Variants in CAMK2D observed in about 807,000 individuals in gnomAD.
The protein encoded by CAMK2D is calcium/calmodulin dependent protein kinase II delta.
Under a neutral mutation model 84.0 loss-of-function variants are expected in CAMK2D, and 37 were observed. The observed-to-expected ratio is 0.44, with a 90% CI of 0.34 to 0.58. The LOEUF is 0.58. CAMK2D is among the 20% of genes least tolerant of loss of function. CAMK2D has a pLI of 0.02. For synonymous variants in CAMK2D, 202 were observed against 212.5 expected, an observed-to-expected ratio of 0.95 and a Z score of 0.43; for missense variants, 448 against 652.5, an observed-to-expected ratio of 0.69 and a Z score of 3.41.
intron 4 of CAMK2D, among the ~76,000 whole-genome samples, chr4:113,566,336 T>A (rs2098723709): frequency 6.6e-6 from 1 of 152,234 alleles, no homozygotes; most frequent in Non-Finnish European, 1.5e-5. Context: ...CTTTTGAAGA[T>A]GAAACATAAG....
At chr4:113,486,332 C>T (rs912672114) in intron 16 of CAMK2D, among the ~76,000 whole-genome samples, 4 of 151,892 alleles carry the variant, frequency 2.6e-5, no homozygotes, top group South Asian at 2.1e-4. Flanking sequence ...GTTATATTGC[C>T]GAGGCTGGTC....
intron 2 of CAMK2D, among the ~76,000 whole-genome samples, chr4:113,714,964 T>TAATTTGGGGAGA (rs1454797735): frequency 1.3e-5 from 2 of 152,218 alleles, no homozygotes; most frequent in South Asian, 4.1e-4. Context: ...ATTTATAGAT[T>TAATTTGGGGAGA]AATTTGGGGA....
chr4:113,590,670 T>C (rs2098869414), intron 4 of CAMK2D, among the ~76,000 whole-genome samples: 1 of 152,200 alleles, frequency 6.6e-6, no homozygotes, highest in Admixed American at 6.5e-5. Context: ...GATTACTAAT[T>C]TGTAATTCAA....
chr4:113,656,085 T>C (rs916566829), intron 3 of CAMK2D, among the ~76,000 whole-genome samples: 1 of 152,174 alleles, frequency 6.6e-6, no homozygotes, highest in African/African-American at 2.4e-5. Flanking sequence ...AATTTGTTAA[T>C]TCCTCAAAGA....
intron 2 of CAMK2D, among the ~76,000 whole-genome samples, chr4:113,751,163 A>G (rs150479717): frequency 5.3e-4 from 80 of 152,336 alleles, no homozygotes; most frequent in African/African-American, 1.8e-3. Context: ...TTATTGTGCC[A>G]TTCACAGAGG....
chr4:113,515,667 G>C (rs1590539245), intron 9 of CAMK2D, among the ~76,000 whole-genome samples: 1 of 152,250 alleles, frequency 6.6e-6, no homozygotes, highest in African/African-American at 2.4e-5. Flanking sequence ...AGCAGTAATA[G>C]CAGAGGTAAT....
At chr4:113,531,167 C>T in intron 8 of CAMK2D, 49 bp downstream of exon 8, 1 of 913,818 alleles carries the variant, frequency 1.1e-6, no homozygotes, top group Admixed American at 1.7e-5. Context: ...ACCAAATGGA[C>T]TAAGACACTA....
chr4:113,518,083 C>G (rs944443566), intron 8 of CAMK2D, among the ~76,000 whole-genome samples: 1 of 152,122 alleles, frequency 6.6e-6, no homozygotes, highest in Non-Finnish European at 1.5e-5. Context: ...GTCATTGGGA[C>G]ATTTTGTTGA....
chr4:113,474,212 C>T (rs573233795), intron 16 of CAMK2D, among the ~76,000 whole-genome samples: 2 of 152,268 alleles, frequency 1.3e-5, no homozygotes, highest in Admixed American at 6.5e-5. Context: ...GGTACCATTT[C>T]CAGTTAAGAG....
intron 16 of CAMK2D, among the ~76,000 whole-genome samples, chr4:113,497,850 G>A (rs972773629): frequency 2.6e-5 from 4 of 152,230 alleles, no homozygotes; most frequent in Admixed American, 6.5e-5. Context: ...CAGCAGCAAT[G>A]GGTAGAGCAA....
At chr4:113,747,821 C>T (rs1470017782) in intron 2 of CAMK2D, among the ~76,000 whole-genome samples, 1 of 152,134 alleles carries the variant, frequency 6.6e-6, no homozygotes, top group Non-Finnish European at 1.5e-5. Flanking sequence ...CCTCCAACAG[C>T]TCTTGCCATA....
chr4:113,748,284 TG>T (rs2099609195), intron 2 of CAMK2D, among the ~76,000 whole-genome samples: 1 of 150,800 alleles, frequency 6.6e-6, no homozygotes, highest in East Asian at 1.9e-4. Flanking sequence ...GACCAGAACA[TG>T]GTGAATAAGC....
chr4:113,753,053 G>A (rs745343289), intron 2 of CAMK2D, among the ~76,000 whole-genome samples: 7 of 152,006 alleles, frequency 4.6e-5, no homozygotes, highest in Non-Finnish European at 1.0e-4. Flanking sequence ...AGGTGACAGT[G>A]GAAAGAGTCA....
intron 2 of CAMK2D, among the ~76,000 whole-genome samples, chr4:113,696,919 A>AC (rs36089554): frequency 0.71 from 107,682 of 151,904 alleles, 38,914 homozygotes; most frequent in African/African-American, 0.84. Flanking sequence ...TGGTCCCATT[A>AC]GGAGTACAGA....
intron 2 of CAMK2D, among the ~76,000 whole-genome samples, chr4:113,704,951 T>C (rs548066664): frequency 2.0e-5 from 3 of 148,812 alleles, no homozygotes; most frequent in South Asian, 4.3e-4. Context: ...AAAAAAAAAA[T>C]GAAGAGCAGA....
At chr4:113,537,828 C>A (rs957308486) in intron 6 of CAMK2D, among the ~76,000 whole-genome samples, 1 of 152,108 alleles carries the variant, frequency 6.6e-6, no homozygotes, top group African/African-American at 2.4e-5. Context: ...GGAAACTTGG[C>A]AAAATAATAA....
intron 3 of CAMK2D, among the ~76,000 whole-genome samples, chr4:113,610,977 A>G (rs2098997665): frequency 6.6e-6 from 1 of 151,980 alleles, no homozygotes; most frequent in African/African-American, 2.4e-5. Context: ...GTTTTTGAGC[A>G]TTTACTATAG....
intron 13 of CAMK2D, among the ~76,000 whole-genome samples, chr4:113,507,178 A>G (rs2098139040): frequency 6.6e-6 from 1 of 152,112 alleles, no homozygotes; most frequent in African/African-American, 2.4e-5. Flanking sequence ...ATAATAGGAT[A>G]ATTTCTAAGC....
intron 4 of CAMK2D, among the ~76,000 whole-genome samples, chr4:113,569,798 G>A (rs932597212): frequency 6.6e-6 from 1 of 152,038 alleles, no homozygotes; most frequent in Non-Finnish European, 1.5e-5. Flanking sequence ...AAATCCATTT[G>A]TAGCAAATAT....
Sources: allele counts gnomAD v4.1 joint callset (sites outside exome capture counted in the v4.1 genomes callset), GRCh38; gene constraint gnomAD v4.1.1; transcripts MANE v1.5; gene names NCBI Gene and HGNC (gene_info 2026-07-23, HGNC 2026-07-21).